Variants in EXTL3 observed in about 807,000 individuals in gnomAD.
EXTL3 encodes the protein exostosin like glycosyltransferase 3, also known as exostosin-like 3.
A neutral mutation model predicts 69.3 loss-of-function variants in EXTL3; 27 were observed. The observed-to-expected ratio is 0.39, with a 90% CI of 0.29 to 0.54. The LOEUF (loss-of-function observed/expected upper bound fraction) is 0.54. Among genes scored for constraint, EXTL3 ranks in the 20% least tolerant of loss-of-function variants. The probability of loss-of-function intolerance (pLI) is 0.69; values close to 1 mark genes in which losing one functional copy is unlikely to be tolerated. For synonymous variants in EXTL3, 511 were observed against 499.4 expected, an observed-to-expected ratio of 1.02 and a Z score of -0.31; for missense variants, 1,003 against 1,231.8, an observed-to-expected ratio of 0.81 and a Z score of 2.78.
chr8:28,648,385 C>G (rs1423923868), intron 1 of EXTL3, among the ~76,000 whole-genome samples: 2 of 152,154 alleles, frequency 1.3e-5, no homozygotes, highest in Non-Finnish European at 2.9e-5. Context: ...AGTTGCCCAA[C>G]CCTCTGGAAT....
At chr8:28,638,924 C>A (rs1432851726) in intron 1 of EXTL3, among the ~76,000 whole-genome samples, 1 of 151,192 alleles carries the variant, frequency 6.6e-6, no homozygotes, top group African/African-American at 2.5e-5. Context: ...AGCCACTGAG[C>A]CTGGCTAGGA....
chr8:28,660,615 ATCT>A (rs1807092505), intron 1 of EXTL3, among the ~76,000 whole-genome samples: 1 of 152,094 alleles, frequency 6.6e-6, no homozygotes, highest in Non-Finnish European at 1.5e-5. Flanking sequence ...TACATTCATA[ATCT>A]TGTGCAACCA....
rs539714844 is a variant in EXTL3 at position 28,642,528 on chromosome 8, G to A, written c.-53+19718G>A. ...AGCACTTTGGGAGGCTGAGGTGGGAGGATTGCATGAGTCCAGGAGTTCGAG... is the reference window on the plus strand; with the variant it reads ...AGCACTTTGGGAGGCTGAGGTGGGAAGATTGCATGAGTCCAGGAGTTCGAG... On this transcript the variant is annotated intron_variant, in intron 1 of 6. Transcript: ENST00000523149. Among the ~76,000 whole-genome samples the A allele has an allele frequency of 2.6e-5, 4 of 151,392 alleles. No homozygotes were observed. In the South Asian group the frequency reaches 8.4e-4, roughly 32 times the overall value.
chr8:28,691,584 TGCTA>T (rs1800614076), intron 1 of EXTL3, among the ~76,000 whole-genome samples: 3 of 149,748 alleles, frequency 2.0e-5, no homozygotes, highest in Non-Finnish European at 3.0e-5. Flanking sequence ...TTTTTTTTTT[TGCTA>T]TTGTGTTCCT....
At chr8:28,636,862 T>G (rs1018373927) in intron 1 of EXTL3, among the ~76,000 whole-genome samples, 1 of 151,994 alleles carries the variant, frequency 6.6e-6, no homozygotes, top group Admixed American at 6.6e-5. Flanking sequence ...AATACAAAAA[T>G]TAGCTGGGCA....
intron 1 of EXTL3, among the ~76,000 whole-genome samples, chr8:28,663,859 T>C (rs931577815): frequency 4.6e-5 from 7 of 152,186 alleles, no homozygotes; most frequent in Non-Finnish European, 8.8e-5. Flanking sequence ...TGTCTCTCAG[T>C]TTTCCTCTCT....
intron 1 of EXTL3, among the ~76,000 whole-genome samples, chr8:28,629,861 C>CA (rs1276034031): frequency 7.9e-5 from 12 of 152,042 alleles, no homozygotes; most frequent in Admixed American, 5.2e-4. Context: ...ACCCAAAAGA[C>CA]AGACTAAAAG....
In EXTL3 at chr8:28,717,290, G is replaced by T. The variant is rs200790727; in HGVS notation, c.1231G>T (p.Glu411Ter). Residue 411 changes from glutamate (E) to a stop codon, truncating the protein, a stop_gained, in exon 3 of 7, where the codon GAG becomes TAG. Transcript: ENST00000220562. LOFTEE classifies it high-confidence loss of function. This position sits in a 1 kb window ranked among gnomAD's most constrained non-coding sequence, Gnocchi z 8.3. ...CCAGCCCAAACCCAGCCTGCCGACT[G>T]AGTGGGCACTGTGTGGAGAGCGGGA... Reference protein sequence around the residue: ...KNQPKPSLPTEWALCGEREDR... With the variant: ...KNQPKPSLPT The T allele has an allele frequency of 6.2e-7, 1 of 1,614,264 alleles. No homozygotes were observed. Among genetic ancestry groups the T allele is most frequent in the Non-Finnish European group, 8.5e-7 (1 of 1,180,048 alleles).
At chr8:28,619,315 A>AAC (rs1563426180), upstream of EXTL3, among the ~76,000 whole-genome samples, 1 of 126,472 alleles carries the variant, frequency 7.9e-6, no homozygotes, top group African/African-American at 3.2e-5. Flanking sequence ...AAAAAAAAAA[A>AAC]CCCTGTGTGA....
chr8:28,736,620 A>G (rs1801657907), intron 4 of EXTL3, among the ~76,000 whole-genome samples: 1 of 152,192 alleles, frequency 6.6e-6, no homozygotes, highest in African/African-American at 2.4e-5. Context: ...AGCCCTGCTC[A>G]AATTTGGAAT....
At chr8:28,746,342 TG>T (rs1801887696) in intron 6 of EXTL3, among the ~76,000 whole-genome samples, 1 of 152,210 alleles carries the variant, frequency 6.6e-6, no homozygotes, top group Non-Finnish European at 1.5e-5. Context: ...GATAAGAGAT[TG>T]AAAAGTCACC....
chr8:28,655,516 G>A (rs904715158), intron 1 of EXTL3, among the ~76,000 whole-genome samples: 17 of 140,584 alleles, frequency 1.2e-4, no homozygotes, highest in African/African-American at 3.2e-4. Context: ...TTGAGACAGC[G>A]TCTCACACCT....
chr8:28,738,505 A>T (rs1438018014), intron 5 of EXTL3, among the ~76,000 whole-genome samples: 1 of 152,152 alleles, frequency 6.6e-6, no homozygotes, highest in Non-Finnish European at 1.5e-5. Flanking sequence ...TAGAAAGTTT[A>T]CAGTGCTGTA....
chr8:28,675,937 G>A lies in EXTL3; in HGVS notation c.-52-37520G>A, dbSNP rs542503618. Among the ~76,000 whole-genome samples the A allele has an allele frequency of 7.6e-4, 111 of 145,476 alleles. 1 individual carries two copies. The highest frequency in any genetic ancestry group is 1.3e-3 in the Non-Finnish European group (84 of 67,174). Reference sequence around the variant, plus strand: ...CTTGGGAGGCTGAGGCTGGAGAATCGCTTGAACCTGGGAGGCGGAGGTTGC... The same window carrying A: ...CTTGGGAGGCTGAGGCTGGAGAATCACTTGAACCTGGGAGGCGGAGGTTGC... On this transcript the variant is annotated intron_variant, in intron 1 of 6. Coordinates refer to the EXTL3 transcript ENST00000523149.
At chr8:28,631,455 C>G (rs1009560148) in intron 1 of EXTL3, 10 of 152,176 alleles carry the variant, frequency 6.6e-5, no homozygotes, top group Admixed American at 5.9e-4. Flanking sequence ...GTTCTGAGCT[C>G]AGTTATTTTC....
chr8:28,727,622 A>G (rs943361463), intron 3 of EXTL3, among the ~76,000 whole-genome samples: 1 of 152,190 alleles, frequency 6.6e-6, no homozygotes, highest in African/African-American at 2.4e-5. Flanking sequence ...CAGATTTTGC[A>G]AACAGTGTGG....
Position 28,751,070 on chromosome 8 carries a change from CG to C in EXTL3, c.*208del, listed in dbSNP as rs1463926294. On this transcript the variant is annotated 3_prime_UTR_variant, in exon 7 of 7. Coordinates refer to ENST00000220562, the MANE Select transcript of EXTL3 (RefSeq NM_001440.4). ...GGCCTGGAGCCCTGGGCGGAGTCCC[CG>C]GGGTTCCCCACACAGGGCACTGACT... 8.5e-6 allele frequency: 5 copies of C among 589,050 alleles called. No homozygotes were observed. Among genetic ancestry groups the C allele is most frequent in the Non-Finnish European group, 1.5e-5 (5 of 330,064 alleles). The allele number at this position is 589,050 out of a possible 1,614,324, so 36.5% of individuals were successfully genotyped here. A position where few individuals can be genotyped will look rare whatever the true frequency, so the allele number is the denominator to read the frequency against.
At chr8:28,731,040 A>C (rs1801524333) in intron 3 of EXTL3, among the ~76,000 whole-genome samples, 183 bp from the exon 4 acceptor site, 1 of 152,234 alleles carries the variant, frequency 6.6e-6, no homozygotes, top group African/African-American at 2.4e-5. Flanking sequence ...AAATCTATAT[A>C]CATTTATTGA....
chr8:28,655,609 A>G lies in EXTL3; in HGVS notation c.-53+32799A>G, dbSNP rs181906244. 1.6e-4 allele frequency among the ~76,000 whole-genome samples: 24 copies of G among 150,312 alleles called. No individual in the cohort carries two copies. In the East Asian group the frequency reaches 4.5e-3, roughly 28 times the overall value. ...TGGGCTTAGGCGATCTTCCCACCTC[A>G]GCCTCTGGAGTAGCTGGGACCACAG... On this transcript the variant is annotated intron_variant, in intron 1 of 6. Transcript: ENST00000523149.
Sources: gnomAD v4.1 joint callset for allele counts (sites outside exome capture counted in the v4.1 genomes callset) on GRCh38, gnomAD v4.1.1 for gene constraint, Gnocchi (gnomAD v3.1) non-coding constraint, MANE v1.5 for transcripts, NCBI Gene and HGNC (gene_info 2026-07-23, HGNC 2026-07-21) for gene names.